Variants in GCSH observed in about 807,000 individuals in gnomAD.
GCSH encodes the protein glycine cleavage system H protein, mitochondrial.
A neutral mutation model predicts 21.3 loss-of-function variants in GCSH; 15 were observed. The ratio of observed to expected loss-of-function variants is 0.70; its 90% CI spans 0.47 to 1.08. The LOEUF is 1.08. Ranked by LOEUF, GCSH falls within the 50% of genes least tolerant of loss-of-function variation. The pLI is 0.00. For missense variants in GCSH, 179 were observed against 217.5 expected (o/e 0.82, Z 1.11); for synonymous variants, 59 against 84.5 (o/e 0.70, Z 1.66).
chr16:81,091,109 TAAA>T, intron 1 of GCSH: 2 of 367,594 alleles, frequency 5.4e-6, no homozygotes, highest in Admixed American at 2.9e-5. Context: ...TGATTTAACC[TAAA>T]AAAAAAAATA....
intron 3 of GCSH, 105 bp downstream of exon 3, chr16:81,087,496 C>CAA (rs373753780): frequency 2.4e-4 from 170 of 718,488 alleles, no homozygotes; most frequent in Middle Eastern, 3.9e-4. Flanking sequence ...AGACTGTCTC[C>CAA]AAAAAAAAAA....
In GCSH at chr16:81,082,150, G is replaced by C. The variant is rs1280071529; in HGVS notation, c.*716C>G. The stretch of plus-strand genomic sequence containing the variant: ...ATTTTTTATTATGTTAAAGGTGACA[G>C]ATCTTGGCTTAAGAAAAACCAGATT... On this transcript the variant is annotated 3_prime_UTR_variant, in exon 5 of 5. Transcript: ENST00000315467. 2.2e-6 allele frequency: 1 copy of C among 454,098 alleles called. No homozygotes were observed. Among genetic ancestry groups the C allele is most frequent in the South Asian group, 1.6e-5 (1 of 64,476 alleles). 28.1% of individuals were successfully genotyped at this position (454,098 alleles called of 1,614,324 possible).
In GCSH at chr16:81,084,514, C is replaced by A. The variant is rs1395144024; in HGVS notation, c.373G>T (p.Glu125Ter). ...PLSGEVTEINEALAENPGLVN... is the reference protein window; with the variant it reads ...PLSGEVTEIN ...AGTCCTGGATTTTCTGCAAGAGCTT[C>A]ATTAATTTCAGTTACTTCTCCTGAT... The change falls in exon 4 of 5, where the codon GAA (glutamate) becomes TAA (stop). Residue 125 changes from glutamate to a stop codon, truncating the protein, a stop_gained. Transcript: ENST00000315467. LOFTEE classifies it high-confidence loss of function. 6.2e-7 allele frequency: 1 copy of A among 1,605,612 alleles called. No homozygotes were observed. The highest frequency in any genetic ancestry group is 8.5e-7 in the Non-Finnish European group (1 of 1,172,460).
In GCSH at chr16:81,082,218, G is replaced by A. The variant is rs181746729; in HGVS notation, c.*648C>T. On this transcript the variant is annotated 3_prime_UTR_variant, in exon 5 of 5. Transcript: ENST00000315467. The stretch of plus-strand genomic sequence containing the variant: ...TTTTCTTGGAGCTTTGCATTGTTCT[G>A]GCTTAAATTTCCTTTTAAAAAGTAA... 1 of 453,670 alleles carries A rather than the reference G, an allele frequency of 2.2e-6. No homozygotes were observed. Among genetic ancestry groups the A allele is most frequent in the Admixed American group, 2.4e-5 (1 of 42,536 alleles). The allele number at this position is 453,670 out of a possible 1,614,324, so 28.1% of individuals were successfully genotyped here.
chr16:81,082,863 T>C lies in GCSH; in HGVS notation c.*3A>G, dbSNP rs1435292264. On this transcript the variant is annotated 3_prime_UTR_variant, in exon 5 of 5. Transcript: ENST00000315467. The stretch of plus-strand genomic sequence containing the variant: ...CATACTAGTTTATTTAGGAGTTCCA[T>C]TTTCACTCCTCAATAGATTTTATGT... The C allele has an allele frequency of 5.0e-6, 6 of 1,202,918 alleles. No homozygotes were observed. The highest frequency in any genetic ancestry group is 6.2e-6 in the Non-Finnish European group (5 of 805,894). 74.5% of individuals were successfully genotyped at this position (1,202,918 alleles called of 1,614,324 possible). A position where few individuals can be genotyped will look rare whatever the true frequency, so the allele number is the denominator to read the frequency against.
intron 3 of GCSH, among the ~76,000 whole-genome samples, chr16:81,084,951 G>A (rs565426885): frequency 4.3e-4 from 64 of 148,634 alleles, no homozygotes; most frequent in African/African-American, 1.2e-3. Context: ...TCCTGATGCC[G>A]TGATCCGCCC....
At chr16:81,082,990 C>A (rs1416559648) in intron 4 of GCSH, 27 bp from the exon 5 acceptor site, 3 of 1,361,450 alleles carry the variant, frequency 2.2e-6, no homozygotes, top group Non-Finnish European at 2.1e-6. Context: ...ACCTTATATT[C>A]CACATTAACT....
chr16:81,086,270 T>G (rs8177932), intron 3 of GCSH, among the ~76,000 whole-genome samples: 1 of 139,692 alleles, frequency 7.2e-6, no homozygotes, highest in Non-Finnish European at 1.5e-5. Context: ...CGGCGGCTCA[T>G]GCTTGTAATC....
At chr16:81,090,711 C>A in intron 1 of GCSH, 31 bp from the exon 2 acceptor site, 1 of 1,447,696 alleles carries the variant, frequency 6.9e-7, no homozygotes, top group Non-Finnish European at 9.7e-7. Flanking sequence ...TTCAGAAAAG[C>A]AGTAGCATTA....
chr16:81,093,779 T>G (rs141326150), intron 1 of GCSH, among the ~76,000 whole-genome samples: 1 of 152,130 alleles, frequency 6.6e-6, no homozygotes, highest in African/African-American at 2.4e-5. Flanking sequence ...AGGCAGAGGT[T>G]GCAGTGATTC....
chr16:81,092,742 C>CA (rs1405649824), intron 1 of GCSH, among the ~76,000 whole-genome samples: 3 of 149,224 alleles, frequency 2.0e-5, no homozygotes, highest in South Asian at 2.1e-4. Flanking sequence ...GACTCAGTCT[C>CA]AAAAAAAACA....
intron 4 of GCSH, chr16:81,083,256 GCC>G (rs1972206866): frequency 2.6e-6 from 1 of 378,238 alleles, no homozygotes; most frequent in East Asian, 6.5e-5. Flanking sequence ...GGTGGCTCAT[GCC>G]TGTAATCCCA....
intron 4 of GCSH, chr16:81,083,373 C>G (rs2151766047): frequency 4.5e-6 from 1 of 221,572 alleles, no homozygotes; most frequent in South Asian, 6.0e-5. Flanking sequence ...CAAAAATTAG[C>G]TGGGCGTGGT....
intron 3 of GCSH, among the ~76,000 whole-genome samples, chr16:81,085,681 C>T (rs956824745): frequency 1.3e-5 from 2 of 151,902 alleles, no homozygotes; most frequent in Non-Finnish European, 2.9e-5. Flanking sequence ...CCAGCCTAGC[C>T]AACATGGTCT....
intron 3 of GCSH, among the ~76,000 whole-genome samples, chr16:81,085,760 T>C (rs1972260338): frequency 6.6e-6 from 1 of 152,154 alleles, no homozygotes; most frequent in Non-Finnish European, 1.5e-5. Context: ...CTTGGGAGAC[T>C]GAGGCAGGAG....
In GCSH at chr16:81,084,186, C is replaced by CT. The variant is rs1972224739; in HGVS notation, c.424+276_424+277insA. Reference sequence around the variant, plus strand: ...TAGAGACAGAGTTTCACCATGTTGCCCAGGCTGGTCTCCAACTCCTGGACT... The same window carrying CT: ...TAGAGACAGAGTTTCACCATGTTGCCTCAGGCTGGTCTCCAACTCCTGGACT... On this transcript the variant is annotated intron_variant, in intron 4 of 4. Transcript: ENST00000315467. 24 of 557,310 alleles carry CT rather than the reference C, an allele frequency of 4.3e-5. No individual in the cohort carries two copies. In the South Asian group the frequency reaches 5.3e-4, roughly 12 times the overall value. 34.5% of individuals were successfully genotyped at this position (557,310 alleles called of 1,614,324 possible).
At position 81,084,532 on chromosome 16, in the gene GCSH, CTCCTGATAAAGGAGAATAGAGT is replaced by C. The variant is rs1409422627; in HGVS notation, c.333_354del (p.Leu112LysfsTer2). The C allele has an allele frequency of 6.2e-7, 1 of 1,600,324 alleles. No homozygotes were observed. Among genetic ancestry groups the C allele is most frequent in the East Asian group, 2.2e-5 (1 of 44,788 alleles). ...AGAGCTTCATTAATTTCAGTTACTT[CTCCTGATAAAGGAGAATAGAGT>C]TCACTAGCAGCTTTCACACTTTCCA... On this transcript the variant is annotated frameshift_variant, in exon 4 of 5. Coordinates refer to ENST00000315467, the MANE Select transcript of GCSH (RefSeq NM_004483.5). LOFTEE classifies it high-confidence loss of function.
chr16:81,082,321 T>C lies in GCSH; in HGVS notation c.*545A>G, dbSNP rs1451173963. 4.5e-6 allele frequency: 2 copies of C among 442,250 alleles called. No individual in the cohort carries two copies. Among genetic ancestry groups the C allele is most frequent in the South Asian group, 1.6e-5 (1 of 62,286 alleles). The allele number at this position is 442,250 out of a possible 1,614,324, so 27.4% of individuals were successfully genotyped here. A position where few individuals can be genotyped will look rare whatever the true frequency, so the allele number is the denominator to read the frequency against. The stretch of plus-strand genomic sequence containing the variant: ...TGAAATATTAACATCAAAACAAACA[T>C]GATTAACGAAGAAGTATTTTATTAT... On this transcript the variant is annotated 3_prime_UTR_variant, in exon 5 of 5. Coordinates refer to ENST00000315467, the MANE Select transcript of GCSH (RefSeq NM_004483.5).
chr16:81,095,034 A>G (rs887505928), intron 1 of GCSH, among the ~76,000 whole-genome samples: 5 of 151,690 alleles, frequency 3.3e-5, no homozygotes, highest in Non-Finnish European at 5.9e-5. Flanking sequence ...TGGCGCTTGC[A>G]GTGAGCCGAG....
Sources: gnomAD v4.1 joint callset for allele counts (sites outside exome capture counted in the v4.1 genomes callset) on GRCh38, gnomAD v4.1.1 for gene constraint, MANE v1.5 for transcripts, NCBI Gene and HGNC (gene_info 2026-07-23, HGNC 2026-07-21) for gene names.